The following INSR variants were observed in gnomAD, a reference collection of about 807,000 sequenced individuals.
The protein encoded by INSR is insulin receptor, also known as IR.
Under a neutral mutation model 142.6 loss-of-function variants are expected in INSR, and 67 were observed. That is an observed-to-expected ratio of 0.47 (90% CI 0.39 to 0.58). The LOEUF (loss-of-function observed/expected upper bound fraction) is 0.58. Among genes scored for constraint, INSR ranks in the 20% least tolerant of loss-of-function variants. The probability of loss-of-function intolerance (pLI) is 0.00; values close to 1 mark genes in which losing one functional copy is unlikely to be tolerated. For synonymous variants in INSR, 756 were observed against 743.1 expected, an observed-to-expected ratio of 1.02 and a Z score of -0.28; for missense variants, 1,248 against 1,833.2, an observed-to-expected ratio of 0.68 and a Z score of 5.83.
At chr19:7,238,092 C>A (rs1011634560) in intron 2 of INSR, among the ~76,000 whole-genome samples, 3 of 152,094 alleles carry the variant, frequency 2.0e-5, no homozygotes, top group African/African-American at 7.2e-5. Context: ...CTTGACCTGG[C>A]CAAACAAGCC....
rs772913896 is a variant in INSR, at chr19:7,125,240, G to A, written c.3258+43C>T. On this transcript the variant is annotated intron_variant, in intron 17 of 21. Coordinates refer to ENST00000302850, the MANE Select transcript of INSR (RefSeq NM_000208.4). The surrounding 1 kb of genome is among the most constrained non-coding windows in gnomAD (Gnocchi z 4.9). ...AGGAGGAGGAGGCAGAGAAAGGGAA[G>A]GGTCAGGAAAGCCAGCCCATGTCCC... The A allele has an allele frequency of 2.4e-5, 38 of 1,612,304 alleles. No homozygotes were observed. Among genetic ancestry groups the A allele is most frequent in the South Asian group, 2.0e-4 (18 of 90,970 alleles).
Position 7,166,066 on chromosome 19 carries a change from G to A in INSR, c.1861+88C>T. On this transcript the variant is annotated intron_variant, in intron 8 of 21. Transcript: ENST00000302850. This position sits in a 1 kb window ranked among gnomAD's most constrained non-coding sequence, Gnocchi z 4.1. ...AAAAAAAGCCAATAACCATATCAAG[G>A]AGCATTTTATACAACCTCACTGCAT... 1 of 1,479,762 alleles carries A rather than the reference G, an allele frequency of 6.8e-7. No homozygotes were observed. The highest frequency in any genetic ancestry group is 1.1e-5 in the South Asian group (1 of 87,220). The allele number at this position is 1,479,762 out of a possible 1,614,324, so 91.7% of individuals were successfully genotyped here. A position where few individuals can be genotyped will look rare whatever the true frequency, so the allele number is the denominator to read the frequency against.
chr19:7,244,931 CTTTTT>C (rs370936908), intron 2 of INSR, among the ~76,000 whole-genome samples: 9,003 of 87,900 alleles, frequency 0.1, 932 homozygotes, highest in African/African-American at 0.29. Flanking sequence ...TTTGTTTTTG[CTTTTT>C]TTTTTTTTTT....
At chr19:7,206,969 A>G (rs1394774724) in intron 2 of INSR, among the ~76,000 whole-genome samples, 1 of 152,068 alleles carries the variant, frequency 6.6e-6, no homozygotes, top group Non-Finnish European at 1.5e-5. Flanking sequence ...AAAATCCCCA[A>G]TTTTCCTCTC....
chr19:7,156,434 G>C (rs1185769078), intron 9 of INSR, among the ~76,000 whole-genome samples: 1 of 152,038 alleles, frequency 6.6e-6, no homozygotes, highest in Admixed American at 6.6e-5. Flanking sequence ...TCTCACCCAG[G>C]GGGTGATTTT....
rs1972429534 is a variant in INSR, at chr19:7,119,647, C to CGT, written c.3660-65_3660-64insAC. ...TTAGACACACACACACACGCGCGCG[C>CGT]GCAAACACACACACGCAAACGCACA... is the stretch of plus-strand genomic sequence containing the variant. On this transcript the variant is annotated intron_variant, in intron 20 of 21. Transcript: ENST00000302850. This position sits in a 1 kb window ranked among gnomAD's most constrained non-coding sequence, Gnocchi z 5.2. The CGT allele has an allele frequency of 1.3e-6, 2 of 1,576,310 alleles. No homozygotes were observed. The highest frequency in any genetic ancestry group is 2.2e-5 in the East Asian group (1 of 44,632).
chr19:7,211,244 T>C (rs545975935), intron 2 of INSR, among the ~76,000 whole-genome samples: 11 of 152,300 alleles, frequency 7.2e-5, no homozygotes, highest in African/African-American at 2.6e-4. Flanking sequence ...TTTTTATATT[T>C]GTAGTAGAAA....
At chr19:7,259,543 G>A (rs898974114) in intron 2 of INSR, among the ~76,000 whole-genome samples, 1 of 152,126 alleles carries the variant, frequency 6.6e-6, no homozygotes, top group Non-Finnish European at 1.5e-5. Flanking sequence ...GGCAAGCCCA[G>A]AGTAGTGGTT....
chr19:7,153,122 A>ACACACACCACACACCACACACAC (rs1973446667), intron 9 of INSR, among the ~76,000 whole-genome samples, 195 bp from the exon 10 acceptor site: 1 of 27,568 alleles, frequency 3.6e-5, no homozygotes. Context: ...ACAACCACAC[A>ACACACACCACACACCACACACAC]CACACACCAC....
chr19:7,150,516 T>A lies in INSR; in HGVS notation c.2248A>T (p.Thr750Ser). Reference sequence around the variant, plus strand: ...TCATACCTAGGGTCCTCGGCACCAGTGCCTGAAGAGGTTTTTCTGTGGAAA... The same window carrying A: ...TCATACCTAGGGTCCTCGGCACCAGAGCCTGAAGAGGTTTTTCTGTGGAAA... ...VFVPRKTSSG[T>S]GAEDPRPSRK... The change falls in exon 11 of 22, where the codon ACT becomes TCT. Residue 750 changes from threonine to serine, a missense_variant. Physicochemically the swap from Thr to Ser is moderately conservative, Grantham distance 58. This residue lies in a region of INSR where 1,069 missense variants were observed against 1,654.0 expected (regional missense o/e 0.65). Transcript: ENST00000302850. The surrounding 1 kb of genome is among the most constrained non-coding windows in gnomAD (Gnocchi z 4.2). 6.2e-7 allele frequency: 1 copy of A among 1,614,188 alleles called. No individual in the cohort carries two copies. Among genetic ancestry groups the A allele is most frequent in the Non-Finnish European group, 8.5e-7 (1 of 1,180,038 alleles).
chr19:7,120,773 GCT>G, intron 19 of INSR, 24 bp from the exon 20 acceptor site: 1 of 1,612,166 alleles, frequency 6.2e-7, no homozygotes, highest in East Asian at 2.2e-5. Flanking sequence ...AGGTTCACAC[GCT>G]CTTAACCTTC....
chr19:7,292,281 G>C (rs1165503342), intron 1 of INSR, among the ~76,000 whole-genome samples: 3 of 148,398 alleles, frequency 2.0e-5, no homozygotes, highest in Non-Finnish European at 4.5e-5. Context: ...AGCAGAGAAG[G>C]GAGTTTCACC....
intron 2 of INSR, among the ~76,000 whole-genome samples, chr19:7,265,661 G>A (rs1404705354): frequency 6.6e-6 from 1 of 151,664 alleles, no homozygotes; most frequent in East Asian, 1.9e-4. Flanking sequence ...CTTGAACCCG[G>A]GAGGCAGAGG....
chr19:7,294,326 C>A lies in INSR; in HGVS notation c.-435G>T, dbSNP rs1165680588. Among the ~76,000 whole-genome samples, 2 of 143,658 alleles carry A rather than the reference C, an allele frequency of 1.4e-5. No homozygotes were observed. Among genetic ancestry groups the A allele is most frequent in the African/African-American group, 2.5e-5 (1 of 39,278 alleles). 94.2% of individuals were successfully genotyped at this position (143,658 alleles called of 152,430 possible). On this transcript the variant is annotated 5_prime_UTR_variant, in exon 1 of 22. Coordinates refer to ENST00000302850, the MANE Select transcript of INSR (RefSeq NM_000208.4). ...CCTGGGCTGGCGGGTGGCGGGCGGG[C>A]GGCGGGAGAGAGGGCTGCTCGGGCC... is the stretch of plus-strand genomic sequence containing the variant.
chr19:7,149,648 C>G (rs1008450324), intron 11 of INSR, among the ~76,000 whole-genome samples: 6 of 152,020 alleles, frequency 3.9e-5, no homozygotes, highest in Non-Finnish European at 7.4e-5. Context: ...ATGGAGAAAC[C>G]CTGTCTCTAC....
chr19:7,135,331 T>TTTTTG (rs1308518959), intron 13 of INSR, among the ~76,000 whole-genome samples: 1 of 127,286 alleles, frequency 7.9e-6, no homozygotes, highest in South Asian at 2.6e-4. Flanking sequence ...TTTTTTTTTT[T>TTTTTG]GGAGACGGAG....
chr19:7,120,472 C>A (rs1972463353), intron 20 of INSR, 148 bp downstream of exon 20: 1 of 851,246 alleles, frequency 1.2e-6, no homozygotes. Flanking sequence ...ATAAGAGTAG[C>A]CGTGGGAAGA....
intron 2 of INSR, among the ~76,000 whole-genome samples, chr19:7,240,994 T>C (rs185994524): frequency 9.4e-4 from 143 of 152,250 alleles, no homozygotes; most frequent in South Asian, 2.1e-3. Flanking sequence ...GTATCTGGCA[T>C]TGACGTGTGT....
At chr19:7,164,936 C>T (rs528449544) in intron 8 of INSR, among the ~76,000 whole-genome samples, 2 of 151,756 alleles carry the variant, frequency 1.3e-5, no homozygotes, top group East Asian at 3.9e-4. Context: ...TGAGACCATC[C>T]TGGCCAACAT....
Sources: gnomAD v4.1 joint callset for allele counts (sites outside exome capture counted in the v4.1 genomes callset) on GRCh38, gnomAD v4.1.1 for gene constraint, gnomAD v4.1.1 regional missense constraint, Gnocchi (gnomAD v3.1) non-coding constraint, MANE v1.5 for transcripts, NCBI Gene and HGNC (gene_info 2026-07-23, HGNC 2026-07-21) for gene names.